Variants in EVC observed in about 807,000 individuals in gnomAD.
EVC encodes evC complex member EVC.
A neutral mutation model predicts 118.9 loss-of-function variants in EVC; 116 were observed. The observed-to-expected ratio is 0.98, with a 90% CI of 0.84 to 1.14. The LOEUF is 1.14. Ranked by LOEUF, EVC falls within the 50% of genes most tolerant of loss-of-function variation. The probability of loss-of-function intolerance (pLI) is 0.00; values close to 1 mark genes in which losing one functional copy is unlikely to be tolerated. For synonymous variants in EVC, 619 were observed against 534.7 expected, an observed-to-expected ratio of 1.16 and a Z score of -2.18; for missense variants, 1,401 against 1,246.4, an observed-to-expected ratio of 1.12 and a Z score of -1.87.
At chr4:5,780,304 G>A (rs570901701) in intron 11 of EVC, among the ~76,000 whole-genome samples, 1 of 152,224 alleles carries the variant, frequency 6.6e-6, no homozygotes, top group East Asian at 1.9e-4. Flanking sequence ...CATACTAAGT[G>A]TATGTGTGAG....
At position 5,729,364 on chromosome 4, in the gene EVC, A is replaced by G. The variant is rs1398927619; in HGVS notation, c.358A>G (p.Ile120Val). 9 of 1,613,952 alleles carry G rather than the reference A, an allele frequency of 5.6e-6. No individual in the cohort carries two copies. Among genetic ancestry groups the G allele is most frequent in the Non-Finnish European group, 2.5e-6 (3 of 1,180,044 alleles). Residue 120 changes from isoleucine (I) to valine (V), a missense_variant, in exon 3 of 21, where the codon ATC becomes GTC. Ile to Val is a conservative substitution (Grantham distance 29, BLOSUM62 3). Transcript: ENST00000264956. The part of the protein sequence containing the change: ...ITAFALKAKV[I>V]YPINQKFRPL... ...AGCATTCGCCCTGAAGGCCAAAGTC[A>G]TCTACCCCATCAATCAGAAGTTCCG...
the EVC span, among the ~76,000 whole-genome samples, chr4:5,819,772 C>T: frequency 2.4e-4 from 37 of 151,574 alleles, no homozygotes; most frequent in Admixed American, 7.9e-4. Flanking sequence ...CCTTACCATC[C>T]GTTCTTGGTC....
intron 11 of EVC, among the ~76,000 whole-genome samples, chr4:5,770,819 C>G (rs1438353992): frequency 6.6e-6 from 1 of 152,046 alleles, no homozygotes; most frequent in Admixed American, 6.5e-5. Flanking sequence ...CAAGACCAGC[C>G]CGGCCAACAT....
Position 5,752,920 on chromosome 4 carries a change from T to TGC in EVC, c.1184_1185dup (p.Arg396AlafsTer105). The TGC allele has an allele frequency of 6.2e-7, 1 of 1,614,140 alleles. No individual in the cohort carries two copies. Among genetic ancestry groups the TGC allele is most frequent in the Non-Finnish European group, 8.5e-7 (1 of 1,180,028 alleles). On this transcript the variant is annotated frameshift_variant, in exon 9 of 21. Coordinates refer to ENST00000264956, the MANE Select transcript of EVC (RefSeq NM_153717.3). LOFTEE classifies it high-confidence loss of function. ...GCTGCAAGTCCAGGAGGAGACCAGGTGCCGGCTGGCTGCCATCTCCCACGG... is the reference window on the plus strand; with the variant it reads ...GCTGCAAGTCCAGGAGGAGACCAGGTGCGCCGGCTGGCTGCCATCTCCCACGG...
At chr4:5,784,210 C>T (rs866435210) in intron 12 of EVC, among the ~76,000 whole-genome samples, 3 of 151,960 alleles carry the variant, frequency 2.0e-5, no homozygotes, top group Admixed American at 1.3e-4. Flanking sequence ...CCTTACAGGG[C>T]AAAAGGCAGG....
intron 12 of EVC, among the ~76,000 whole-genome samples, chr4:5,787,190 C>A (rs1711822174): frequency 6.6e-6 from 1 of 152,216 alleles, no homozygotes; most frequent in African/African-American, 2.4e-5. Flanking sequence ...ATTTAATCTG[C>A]TCTAATGCAG....
At chr4:5,794,118 A>G (rs1222898662) in intron 13 of EVC, among the ~76,000 whole-genome samples, 1 of 151,220 alleles carries the variant, frequency 6.6e-6, no homozygotes, top group African/African-American at 2.4e-5. Flanking sequence ...TCCCCAATTT[A>G]TTATCAGTTT....
chr4:5,728,071 C>T (rs1038312728), intron 2 of EVC, among the ~76,000 whole-genome samples: 12 of 151,990 alleles, frequency 7.9e-5, no homozygotes, highest in African/African-American at 2.9e-4. Context: ...TTTTTGGTTC[C>T]ATATGAACTT....
intron 11 of EVC, among the ~76,000 whole-genome samples, chr4:5,772,493 A>G (rs1734138792): frequency 6.6e-6 from 1 of 152,088 alleles, no homozygotes; most frequent in Non-Finnish European, 1.5e-5. Context: ...ACCATATGAA[A>G]GAGCCACTTA....
intron 11 of EVC, among the ~76,000 whole-genome samples, chr4:5,764,574 T>A (rs1272077259): frequency 6.6e-6 from 1 of 150,770 alleles, no homozygotes; most frequent in African/African-American, 2.4e-5. Flanking sequence ...TTGCCACAAC[T>A]TCAGCTCCTG....
At chr4:5,725,313 T>C (rs1435829441) in intron 2 of EVC, among the ~76,000 whole-genome samples, 2 of 152,216 alleles carry the variant, frequency 1.3e-5, no homozygotes, top group Admixed American at 6.5e-5. Flanking sequence ...TCTTCCACAA[T>C]GGTTGAACTA....
chr4:5,779,180 G>C (rs1331248106), intron 11 of EVC, among the ~76,000 whole-genome samples: 1 of 151,162 alleles, frequency 6.6e-6, no homozygotes. Flanking sequence ...TGAGGGCTCT[G>C]TTCTGTTCCA....
the EVC span, chr4:5,824,940 C>A: frequency 2.0e-6 from 2 of 985,442 alleles, no homozygotes; most frequent in Non-Finnish European, 2.4e-6. Context: ...TGTTCCCACA[C>A]ATTTGTTGAG....
intron 13 of EVC, among the ~76,000 whole-genome samples, chr4:5,794,170 A>G (rs1395728058): frequency 6.7e-6 from 1 of 149,260 alleles, no homozygotes; most frequent in Non-Finnish European, 1.5e-5. Flanking sequence ...AATTAGTGCA[A>G]TATGGTCTTT....
At chr4:5,729,520 T>C in intron 3 of EVC, 130 bp downstream of exon 3, 2 of 898,144 alleles carry the variant, frequency 2.2e-6, no homozygotes, top group Non-Finnish European at 1.8e-6. Context: ...GTCATTTTAG[T>C]AGGGATAGTT....
intron 11 of EVC, among the ~76,000 whole-genome samples, chr4:5,773,454 C>T (rs937186114): frequency 6.6e-6 from 1 of 152,154 alleles, no homozygotes; most frequent in Non-Finnish European, 1.5e-5. Context: ...GCCTCCAAAG[C>T]AGCACACCTC....
chr4:5,711,795 C>T (rs1199899075), intron 1 of EVC, among the ~76,000 whole-genome samples: 3 of 152,356 alleles, frequency 2.0e-5, no homozygotes, highest in East Asian at 3.9e-4. Flanking sequence ...TGATCCTTGA[C>T]AGCAGCCCAA....
intron 11 of EVC, among the ~76,000 whole-genome samples, chr4:5,766,542 A>T (rs527460674): frequency 0.014 from 1,674 of 121,350 alleles, 51 homozygotes; most frequent in African/African-American, 0.052. Flanking sequence ...CAGGTACACC[A>T]ATCAGACGTA....
intron 11 of EVC, among the ~76,000 whole-genome samples, chr4:5,777,111 T>A (rs116199965): frequency 6.1e-4 from 93 of 152,300 alleles, no homozygotes; most frequent in African/African-American, 2.1e-3. Flanking sequence ...TATTTCAAAT[T>A]TGCACACTTA....
Sources: allele counts gnomAD v4.1 joint callset (sites outside exome capture counted in the v4.1 genomes callset), GRCh38; gene constraint gnomAD v4.1.1; transcripts MANE v1.5; gene names NCBI Gene and HGNC (gene_info 2026-07-23, HGNC 2026-07-21).